The following BPIFB4 variants were observed in gnomAD, a reference collection of about 807,000 sequenced individuals.
The protein encoded by BPIFB4 is BPI fold-containing family B member 4.
BPIFB4 carries 62 observed loss-of-function variants against 69.2 expected under a neutral mutation model. The observed-to-expected ratio is 0.90, with a 90% CI of 0.73 to 1.11. The LOEUF (loss-of-function observed/expected upper bound fraction) is 1.11, where lower values mean the gene tolerates loss of function less well. BPIFB4 is among the 50% of genes least tolerant of loss of function. The probability of loss-of-function intolerance (pLI) is 0.00; values close to 1 mark genes in which losing one functional copy is unlikely to be tolerated. For missense variants in BPIFB4, 789 were observed against 792.0 expected (o/e 1.00, Z 0.04); for synonymous variants, 330 against 332.7 (o/e 0.99, Z 0.09).
Position 33,085,707 on chromosome 20 carries a change from G to A in BPIFB4, c.783-314G>A, listed in dbSNP as rs182509459. On this transcript the variant is annotated intron_variant, in intron 6 of 17. Transcript: ENST00000375483. ...ACTAGGTGCTGACTAGAGGACCTCA[G>A]AGGGTGGGCTTCTGTGTGGACTTAT... Among the ~76,000 whole-genome samples the A allele has an allele frequency of 2.5e-3, 374 of 152,346 alleles. 2 individuals carry two copies. The highest frequency in any genetic ancestry group is 3.0e-3 in the Non-Finnish European group (203 of 68,042).
Position 33,079,907 on chromosome 20 carries a change from C to T in BPIFB4, c.-124+204C>T, listed in dbSNP as rs144862800. On this transcript the variant is annotated intron_variant, in intron 1 of 17. Transcript: ENST00000375483. ...CTGGGTTATGCCAATTACATGCATG[C>T]GCAGAGCTGCACTCATCTTTCCCAG... Among the ~76,000 whole-genome samples the T allele has an allele frequency of 8.3e-3, 1,265 of 152,330 alleles. 14 individuals are homozygous for T. Among genetic ancestry groups the T allele is most frequent in the African/African-American group, 0.029 (1,186 of 41,570 alleles).
chr20:33,099,654 C>T (rs933490593), intron 13 of BPIFB4, among the ~76,000 whole-genome samples: 1 of 152,142 alleles, frequency 6.6e-6, no homozygotes, highest in Non-Finnish European at 1.5e-5. Context: ...CTGGATTACT[C>T]TCCCACCCTC....
chr20:33,084,258 T>G (rs979685112), intron 5 of BPIFB4, among the ~76,000 whole-genome samples: 5 of 152,228 alleles, frequency 3.3e-5, no homozygotes, highest in African/African-American at 9.6e-5. Flanking sequence ...CGATGTTTAA[T>G]TTAACAAATA....
intron 13 of BPIFB4, among the ~76,000 whole-genome samples, chr20:33,098,338 GGAAAGGGGAAAC>G (rs1180639215): frequency 3.9e-5 from 6 of 152,112 alleles, no homozygotes; most frequent in Non-Finnish European, 7.4e-5. Flanking sequence ...TTGACACTGG[GGAAAGGGGAAAC>G]GAGACAGATG....
At chr20:33,087,321 CTTT>C (rs1981459603) in intron 7 of BPIFB4, among the ~76,000 whole-genome samples, 1 of 152,232 alleles carries the variant, frequency 6.6e-6, no homozygotes, top group African/African-American at 2.4e-5. Context: ...CTTCCAGTTT[CTTT>C]GTACACATGA....
chr20:33,081,554 C>T lies in BPIFB4; in HGVS notation c.28C>T (p.Leu10=), dbSNP rs1409479428. 3.2e-6 allele frequency: 5 copies of T among 1,551,734 alleles called. No individual in the cohort carries two copies. Among genetic ancestry groups the T allele is most frequent in the Admixed American group, 3.9e-5 (2 of 51,012 alleles). Reference sequence around the variant, plus strand: ...GTGGATGGCCTGGTGTGTGGCTGCGCTGTCTGTGGTGGCTGTGTGTGGCAC... The same window carrying T: ...GTGGATGGCCTGGTGTGTGGCTGCGTTGTCTGTGGTGGCTGTGTGTGGCAC... MWMAWCVAA[L]SVVAVCGTSH... The change falls in exon 3 of 18, where the codon CTG becomes TTG. Residue 10 remains leucine (L), a synonymous_variant. Transcript: ENST00000375483.
At chr20:33,103,668 C>G (rs546833692) in intron 15 of BPIFB4, among the ~76,000 whole-genome samples, 3 of 145,380 alleles carry the variant, frequency 2.1e-5, no homozygotes, top group African/African-American at 7.6e-5. Context: ...TAAGCATCTG[C>G]TAGCTTTCTG....
intron 12 of BPIFB4, among the ~76,000 whole-genome samples, chr20:33,096,437 G>A (rs1194033043): frequency 1.3e-5 from 2 of 152,212 alleles, no homozygotes; most frequent in East Asian, 3.9e-4. Context: ...CACCATGCCT[G>A]GCTAATTTTA....
chr20:33,090,872 C>A, intron 10 of BPIFB4, 73 bp downstream of exon 10: 3 of 1,567,410 alleles, frequency 1.9e-6, no homozygotes, highest in Non-Finnish European at 2.6e-6. Flanking sequence ...GAGGCCCTCC[C>A]AGGGCTTCTG....
At chr20:33,101,789 G>T (rs1296300896) in intron 14 of BPIFB4, among the ~76,000 whole-genome samples, 7 of 152,172 alleles carry the variant, frequency 4.6e-5, no homozygotes, top group Non-Finnish European at 1.0e-4. Context: ...CAAGTGATCT[G>T]CCTGCCTCGG....
At chr20:33,092,815 C>T (rs1981646516) in intron 11 of BPIFB4, among the ~76,000 whole-genome samples, 157 bp downstream of exon 11, 1 of 152,220 alleles carries the variant, frequency 6.6e-6, no homozygotes, top group African/African-American at 2.4e-5. Context: ...GCGTCAATTA[C>T]GTCAGTACTT....
intron 2 of BPIFB4, 49 bp downstream of exon 2, chr20:33,080,625 G>A (rs916569056): frequency 1.3e-5 from 2 of 152,280 alleles, no homozygotes; most frequent in African/African-American, 4.8e-5. Context: ...CTGACCTAGA[G>A]CCATTAATAT....
intron 15 of BPIFB4, among the ~76,000 whole-genome samples, chr20:33,103,831 C>G (rs753830749): frequency 1.1e-4 from 16 of 152,154 alleles, no homozygotes; most frequent in Non-Finnish European, 1.9e-4. Flanking sequence ...CCAAGGCTTC[C>G]CAGCTGGTTG....
At chr20:33,107,947 C>G in intron 17 of BPIFB4, 127 bp downstream of exon 17, 1 of 789,044 alleles carries the variant, frequency 1.3e-6, no homozygotes. Context: ...AAACAGGGTC[C>G]TCTTCCTTCC....
At chr20:33,084,692 G>A (rs1021465532) in intron 5 of BPIFB4, among the ~76,000 whole-genome samples, 200 bp from the exon 6 acceptor site, 11 of 152,242 alleles carry the variant, frequency 7.2e-5, no homozygotes, top group African/African-American at 2.4e-4. Flanking sequence ...GGGCCTCTGG[G>A]CATTGGGATT....
In BPIFB4 at chr20:33,083,881, A is replaced by AG. The variant is rs774752510; in HGVS notation, c.677+11dup. ...CTGTGCAAGGCATCACGGGGTAAGG[A>AG]GGGGACGGGTTCTCCCCAGAAAGCC... is the stretch of plus-strand genomic sequence containing the variant. On this transcript the variant is annotated splice_region_variant and intron_variant, in intron 5 of 17. Coordinates refer to ENST00000375483, the MANE Select transcript of BPIFB4 (RefSeq NM_182519.3). 10 of 1,595,212 alleles carry AG rather than the reference A, an allele frequency of 6.3e-6. No homozygotes were observed. The African/African-American group carries it at 9.4e-5, about 15-fold the overall frequency.
At chr20:33,094,480 G>T (rs1265765851) in intron 11 of BPIFB4, among the ~76,000 whole-genome samples, 1 of 151,450 alleles carries the variant, frequency 6.6e-6, no homozygotes, top group Non-Finnish European at 1.5e-5. Flanking sequence ...AATAAGGAAT[G>T]ACATTTGTTT....
chr20:33,081,497 C>G lies in BPIFB4; in HGVS notation c.-15-15C>G, dbSNP rs533582738. 1.7e-4 allele frequency: 268 copies of G among 1,551,258 alleles called. 6 individuals carry two copies. The South Asian group carries it at 3.0e-3, about 18-fold the overall frequency. ...GCGCCCAGCCACATCTGCATCTGCA[C>G]TTTCTCCTCCACAGGGAAGCAGTGC... On this transcript the variant is annotated splice_polypyrimidine_tract_variant and intron_variant, in intron 2 of 17. Coordinates refer to ENST00000375483, the MANE Select transcript of BPIFB4 (RefSeq NM_182519.3).
At chr20:33,096,886 T>G (rs1395775641) in intron 12 of BPIFB4, among the ~76,000 whole-genome samples, 3 of 152,240 alleles carry the variant, frequency 2.0e-5, no homozygotes, top group Non-Finnish European at 4.4e-5. Flanking sequence ...GTTAACATAT[T>G]TAAGAAGTAT....
Sources: gnomAD v4.1 joint callset for allele counts (sites outside exome capture counted in the v4.1 genomes callset) on GRCh38, gnomAD v4.1.1 for gene constraint, MANE v1.5 for transcripts, NCBI Gene and HGNC (gene_info 2026-07-23, HGNC 2026-07-21) for gene names.